CSTPP1: variants seen among roughly 807,000 people sequenced by gnomAD.
CSTPP1 encodes the protein UPF0705 protein C11orf49.
the CSTPP1 span, among the ~76,000 whole-genome samples, chr11:47,093,760 G>A: frequency 2.6e-5 from 4 of 152,208 alleles, no homozygotes. Context: ...CATAGGTTGG[G>A]AAGGGACTTA....
the CSTPP1 span, among the ~76,000 whole-genome samples, chr11:47,095,689 A>G: frequency 1.3e-5 from 2 of 152,216 alleles, no homozygotes; most frequent in African/African-American, 4.8e-5. Flanking sequence ...GAAGCCTGGT[A>G]TCACCTCTAA....
chr11:46,975,129 T>A, the CSTPP1 span, among the ~76,000 whole-genome samples: 2 of 151,404 alleles, frequency 1.3e-5, no homozygotes, highest in Non-Finnish European at 2.9e-5. Context: ...ATTTAAAAGT[T>A]AGCCAGGCAT....
the CSTPP1 span, among the ~76,000 whole-genome samples, chr11:46,953,175 G>A: frequency 1.3e-5 from 2 of 152,120 alleles, no homozygotes; most frequent in Non-Finnish European, 2.9e-5. Flanking sequence ...GGTTTTCATG[G>A]AGTAGTGTGG....
chr11:47,112,465 G>A, the CSTPP1 span, among the ~76,000 whole-genome samples: 2 of 152,170 alleles, frequency 1.3e-5, no homozygotes, highest in South Asian at 4.2e-4. Context: ...GGGATTACAG[G>A]CATGCACCAC....
chr11:47,065,977 T>TTGTGTGTGTGTGTGTGTGTGTGTGTG, the CSTPP1 span, among the ~76,000 whole-genome samples: 2 of 146,000 alleles, frequency 1.4e-5, no homozygotes, highest in Non-Finnish European at 3.0e-5. Context: ...GGTCTAACAG[T>TTGTGTGTGTGTGTGTGTGTGTGTGTG]TGTGTGTGTG....
chr11:47,085,723 C>T, the CSTPP1 span, among the ~76,000 whole-genome samples: 1 of 151,724 alleles, frequency 6.6e-6, no homozygotes, highest in Non-Finnish European at 1.5e-5. Flanking sequence ...AACCCCGTCT[C>T]TACTAAAAAT....
At chr11:46,960,094 C>T in the CSTPP1 span, among the ~76,000 whole-genome samples, 2 of 152,120 alleles carry the variant, frequency 1.3e-5, no homozygotes, top group South Asian at 4.2e-4. Flanking sequence ...CTCGAACACC[C>T]AACTTCAGGC....
chr11:47,032,914 T>C, the CSTPP1 span, among the ~76,000 whole-genome samples: 2 of 152,198 alleles, frequency 1.3e-5, no homozygotes, highest in African/African-American at 2.4e-5. Flanking sequence ...ACCTTACCAA[T>C]AGCATTAAAA....
At chr11:47,045,143 G>A in the CSTPP1 span, among the ~76,000 whole-genome samples, 1 of 152,124 alleles carries the variant, frequency 6.6e-6, no homozygotes, top group African/African-American at 2.4e-5. Context: ...GTGACAACTG[G>A]GTGGTATCTT....
At chr11:47,132,145 T>C in the CSTPP1 span, among the ~76,000 whole-genome samples, 1 of 152,162 alleles carries the variant, frequency 6.6e-6, no homozygotes, top group African/African-American at 2.4e-5. Flanking sequence ...GATTTTCCTT[T>C]TTTCACACTT....
the CSTPP1 span, among the ~76,000 whole-genome samples, chr11:47,000,674 T>G: frequency 6.6e-6 from 1 of 152,316 alleles, no homozygotes; most frequent in Non-Finnish European, 1.5e-5. Flanking sequence ...GGGCACCTAC[T>G]CTGTGCCTGT....
the CSTPP1 span, among the ~76,000 whole-genome samples, chr11:47,080,019 C>G: frequency 1.6e-4 from 24 of 152,172 alleles, 2 homozygotes; most frequent in African/African-American, 5.1e-4. Flanking sequence ...ATCACGTGAA[C>G]CCGGAGGCAA....
chr11:46,987,605 A>C, the CSTPP1 span: 1 of 264,548 alleles, frequency 3.8e-6, no homozygotes. Flanking sequence ...TTTATTCAAA[A>C]TATTCACTTT....
the CSTPP1 span, among the ~76,000 whole-genome samples, chr11:47,129,226 C>G: frequency 1.3e-5 from 2 of 152,198 alleles, no homozygotes; most frequent in African/African-American, 4.8e-5. Context: ...GAAGTGGTAA[C>G]ACCTGGTGGA....
the CSTPP1 span, among the ~76,000 whole-genome samples, chr11:47,046,660 C>CTTTTTTTTTTTTTTTTTT: frequency 5.0e-5 from 4 of 79,734 alleles, no homozygotes; most frequent in African/African-American, 1.0e-4. Flanking sequence ...ATCTTCTTTT[C>CTTTTTTTTTTTTTTTTTT]TTTTTTTTTT....
At chr11:47,039,014 T>C in the CSTPP1 span, among the ~76,000 whole-genome samples, 1 of 113,130 alleles carries the variant, frequency 8.8e-6, no homozygotes. Flanking sequence ...CCTCACTTCC[T>C]AGATGGGATG....
the CSTPP1 span, among the ~76,000 whole-genome samples, chr11:47,077,182 G>A: frequency 6.9e-6 from 1 of 144,954 alleles, no homozygotes; most frequent in South Asian, 2.2e-4. Context: ...TCAATCAACT[G>A]TGAGGATAAA....
the CSTPP1 span, among the ~76,000 whole-genome samples, chr11:46,989,670 A>G: frequency 1.3e-5 from 2 of 151,422 alleles, no homozygotes; most frequent in Non-Finnish European, 2.9e-5. Context: ...AAAACACATT[A>G]ATATTCTTTT....
the CSTPP1 span, among the ~76,000 whole-genome samples, chr11:47,104,185 C>G: frequency 6.6e-6 from 1 of 152,142 alleles, no homozygotes; most frequent in Non-Finnish European, 1.5e-5. Flanking sequence ...TTAAAGAAAT[C>G]CACCCCAATT....
Sources: allele counts gnomAD v4.1 joint callset (sites outside exome capture counted in the v4.1 genomes callset), GRCh38; gene constraint gnomAD v4.1.1; transcripts MANE v1.5; gene names NCBI Gene and HGNC (gene_info 2026-07-23, HGNC 2026-07-21).